The following FAM135B variants were observed in gnomAD, a reference collection of about 807,000 sequenced individuals.
FAM135B encodes protein FAM135B.
Under a neutral mutation model 127.7 loss-of-function variants are expected in FAM135B, and 43 were observed. The observed-to-expected ratio is 0.34, with a 90% CI of 0.26 to 0.43. FAM135B has a LOEUF of 0.43. Ranked by LOEUF, FAM135B falls within the 20% of genes least tolerant of loss-of-function variation. FAM135B has a pLI of 1.00. For missense variants in FAM135B, 1,558 were observed against 1,725.6 expected, an observed-to-expected ratio of 0.90 and a Z score of 1.72; for synonymous variants, 670 against 665.1, an observed-to-expected ratio of 1.01 and a Z score of -0.11.
intron 6 of FAM135B, among the ~76,000 whole-genome samples, chr8:138,249,069 C>T (rs1225200577): frequency 6.6e-6 from 1 of 152,080 alleles, no homozygotes; most frequent in Non-Finnish European, 1.5e-5. Context: ...TGTCTGTCAC[C>T]TTCTCTTGCC....
At chr8:138,154,384 T>G (rs1818492784) in intron 12 of FAM135B, among the ~76,000 whole-genome samples, 1 of 152,066 alleles carries the variant, frequency 6.6e-6, no homozygotes, top group African/African-American at 2.4e-5. Context: ...GTGCCTCTTC[T>G]CCTCCAAAGG....
At chr8:138,445,627 T>C (rs567412580) in intron 1 of FAM135B, among the ~76,000 whole-genome samples, 1 of 152,128 alleles carries the variant, frequency 6.6e-6, no homozygotes, top group Non-Finnish European at 1.5e-5. Flanking sequence ...AAACTCTCAA[T>C]AAATTAGGTA....
In FAM135B at chr8:138,242,990, C is replaced by G. The variant is rs747387742; in HGVS notation, c.621G>C (p.Leu207=). 6.2e-7 allele frequency: 1 copy of G among 1,613,862 alleles called. No individual in the cohort carries two copies. The highest frequency in any genetic ancestry group is 8.5e-7 in the Non-Finnish European group (1 of 1,179,888). Residue 207 remains leucine, a synonymous_variant, in exon 7 of 20, where the codon CTG becomes CTC. Coordinates refer to ENST00000395297, the MANE Select transcript of FAM135B (RefSeq NM_015912.4). The surrounding 1 kb of genome is among the most constrained non-coding windows in gnomAD (Gnocchi z 9.6). ...ACCCAGCTCCAAAGACCAAGTTTTC[C>G]AGAGAAATGATAGACTGTTCTTGTC... ...DTGQEQSIIS[L]ENLVFGAGYC... is the part of the protein sequence containing the mutation.
intron 3 of FAM135B, among the ~76,000 whole-genome samples, chr8:138,274,116 T>C (rs1823617517): frequency 6.6e-6 from 1 of 152,224 alleles, no homozygotes; most frequent in Admixed American, 6.5e-5. Flanking sequence ...AATACTTCCT[T>C]GTCATTAAAT....
At chr8:138,491,211 C>T (rs535443507) in intron 1 of FAM135B, among the ~76,000 whole-genome samples, 1 of 150,932 alleles carries the variant, frequency 6.6e-6, no homozygotes, top group South Asian at 2.1e-4. Context: ...TATCACAAAG[C>T]CCAACAACAA....
intron 7 of FAM135B, among the ~76,000 whole-genome samples, chr8:138,222,126 G>A (rs1586812700): frequency 6.6e-6 from 1 of 152,082 alleles, no homozygotes; most frequent in Non-Finnish European, 1.5e-5. Context: ...AGAGAGACGG[G>A]AAGCCGAGAA....
At position 138,132,683 on chromosome 8, in the gene FAM135B, C is replaced by A; in HGVS notation, c.4131G>T (p.Leu1377=). 1 of 1,614,140 alleles carries A rather than the reference C, an allele frequency of 6.2e-7. No homozygotes were observed. Among genetic ancestry groups the A allele is most frequent in the Non-Finnish European group, 8.5e-7 (1 of 1,180,022 alleles). ...FHALPNTANT[L]IGRAAHIAVL... ...CAGCGATGTGAGCGGCTCGGCCGAT[C>A]AGGGTGTTGGCAGTGTTGGGCAGGG... The change falls in exon 20 of 20, where the codon CTG becomes CTT. Residue 1377 remains leucine, a synonymous_variant. Transcript: ENST00000395297. The surrounding 1 kb of genome is among the most constrained non-coding windows in gnomAD (Gnocchi z 4.5).
chr8:138,151,873 C>T lies in FAM135B; in HGVS notation c.2602G>A (p.Glu868Lys), dbSNP rs921722514. The change falls in exon 13 of 20, where the codon GAG becomes AAG. Residue 868 changes from glutamate to lysine, a missense_variant. This residue lies in a region of FAM135B where 923 missense variants were observed against 865.3 expected (regional missense o/e 1.07). Coordinates refer to ENST00000395297, the MANE Select transcript of FAM135B (RefSeq NM_015912.4). Reference protein sequence around the residue: ...QGHCLPDGRTENTPGVETKGL... With the variant: ...QGHCLPDGRTKNTPGVETKGL... ...TTGGTTTCAACACCTGGAGTGTTCTCAGTCCTGCCATCAGGAAGACAGTGT... is the reference window on the plus strand; with the variant it reads ...TTGGTTTCAACACCTGGAGTGTTCTTAGTCCTGCCATCAGGAAGACAGTGT... 1.2e-6 allele frequency: 2 copies of T among 1,613,932 alleles called. No homozygotes were observed. The highest frequency in any genetic ancestry group is 2.7e-5 in the African/African-American group (2 of 74,920).
chr8:138,206,166 C>A (rs186480052), intron 7 of FAM135B, among the ~76,000 whole-genome samples: 27 of 145,194 alleles, frequency 1.9e-4, no homozygotes, highest in African/African-American at 5.8e-4. Flanking sequence ...AGTATCACCT[C>A]CACCTCTGCA....
chr8:138,226,184 T>TGTGTGTGTGTGTGTGCGCGTGC, intron 7 of FAM135B, among the ~76,000 whole-genome samples: 2 of 139,202 alleles, frequency 1.4e-5, no homozygotes, highest in East Asian at 4.4e-4. Context: ...TGTGTGTGTG[T>TGTGTGTGTGTGTGTGCGCGTGC]GCGCGCATGT....
intron 3 of FAM135B, among the ~76,000 whole-genome samples, chr8:138,286,777 C>CA (rs1824719779): frequency 6.6e-6 from 1 of 152,180 alleles, no homozygotes; most frequent in East Asian, 1.9e-4. Flanking sequence ...AAGGCACACT[C>CA]AGTCAGCAGG....
intron 12 of FAM135B, among the ~76,000 whole-genome samples, chr8:138,154,352 G>A (rs1477589811): frequency 2.0e-5 from 3 of 152,130 alleles, no homozygotes; most frequent in Non-Finnish European, 2.9e-5. Context: ...GAGCAGAAAA[G>A]CTGAAAATTC....
chr8:138,396,825 C>G (rs1484312210), intron 1 of FAM135B, among the ~76,000 whole-genome samples: 1 of 152,118 alleles, frequency 6.6e-6, no homozygotes, highest in African/African-American at 2.4e-5. Flanking sequence ...ATAAGGAAGC[C>G]CATCTGGTTA....
rs192013668 is a variant in FAM135B, at chr8:138,373,358, C to G, written c.-19-5356G>C. Among the ~76,000 whole-genome samples, 1,293 of 151,290 alleles carry G rather than the reference C, an allele frequency of 8.5e-3. 24 individuals are homozygous for G. Among genetic ancestry groups the G allele is most frequent in the African/African-American group, 0.03 (1,240 of 41,134 alleles). ...ATAAATTGTGAAGATTTCATGGACA[C>G]TTATCACTTCCCCAATCAATACCCC... is the stretch of plus-strand genomic sequence containing the variant. On this transcript the variant is annotated intron_variant, in intron 1 of 19. Coordinates refer to ENST00000395297, the MANE Select transcript of FAM135B (RefSeq NM_015912.4).
At position 138,359,840 on chromosome 8, in the gene FAM135B, T is replaced by C. The variant is rs558989151; in HGVS notation, c.77+8067A>G. 2.6e-5 allele frequency among the ~76,000 whole-genome samples: 4 copies of C among 152,264 alleles called. No individual in the cohort carries two copies. In the South Asian group the frequency reaches 6.2e-4, roughly 24 times the overall value. On this transcript the variant is annotated intron_variant, in intron 2 of 19. Transcript: ENST00000395297. The stretch of plus-strand genomic sequence containing the variant: ...CATCAGGTAGAAACACAAGATGACA[T>C]TGTCTTTCAGGAAGCACTTGACTTT...
intron 6 of FAM135B, among the ~76,000 whole-genome samples, chr8:138,245,388 G>A (rs958782978): frequency 1.3e-5 from 2 of 152,170 alleles, no homozygotes; most frequent in Non-Finnish European, 2.9e-5. Context: ...GAGGGATCCA[G>A]TGAGAGGTAA....
chr8:138,316,958 G>C lies in FAM135B; in HGVS notation c.78-6038C>G, dbSNP rs949383916. 1.6e-4 allele frequency among the ~76,000 whole-genome samples: 24 copies of C among 151,034 alleles called. 1 individual carries two copies. The highest frequency in any genetic ancestry group is 1.1e-3 in the Admixed American group (17 of 15,180). Reference sequence around the variant, plus strand: ...CCGCACCACTGCACTCTAGCCTGGGGGACAGAGCAAGACTCCATCTCAAAA... The same window carrying C: ...CCGCACCACTGCACTCTAGCCTGGGCGACAGAGCAAGACTCCATCTCAAAA... On this transcript the variant is annotated intron_variant, in intron 2 of 19. Coordinates refer to ENST00000395297, the MANE Select transcript of FAM135B (RefSeq NM_015912.4).
intron 7 of FAM135B, among the ~76,000 whole-genome samples, chr8:138,202,800 T>C (rs1817250783): frequency 6.6e-6 from 1 of 151,920 alleles, no homozygotes; most frequent in Non-Finnish European, 1.5e-5. Flanking sequence ...AACGTGTCTA[T>C]GGATGGTGCA....
intron 7 of FAM135B, among the ~76,000 whole-genome samples, chr8:138,213,804 A>T (rs1818333023): frequency 6.6e-6 from 1 of 152,180 alleles, no homozygotes. Context: ...GCTAGGCTGG[A>T]ACCCACTTAG....
Sources: gnomAD v4.1 joint callset for allele counts (sites outside exome capture counted in the v4.1 genomes callset) on GRCh38, gnomAD v4.1.1 for gene constraint, gnomAD v4.1.1 regional missense constraint, Gnocchi (gnomAD v3.1) non-coding constraint, MANE v1.5 for transcripts, NCBI Gene and HGNC (gene_info 2026-07-23, HGNC 2026-07-21) for gene names.